LLGL2: variants seen among roughly 807,000 people sequenced by gnomAD.
The protein encoded by LLGL2 is LLGL scribble cell polarity complex component 2, also known as LLGL2, scribble cell polarity complex component.
Under a neutral mutation model 123.2 loss-of-function variants are expected in LLGL2, and 81 were observed. That is an observed-to-expected ratio of 0.66 (90% confidence interval 0.55 to 0.79). The LOEUF is 0.79. Ranked by LOEUF, LLGL2 falls within the 30% of genes least tolerant of loss-of-function variation. LLGL2 has a pLI of 0.00. For synonymous variants in LLGL2, 577 were observed against 594.1 expected (o/e 0.97, Z 0.42); for missense variants, 1,273 against 1,414.6 (o/e 0.90, Z 1.61).
At chr17:75,554,321 G>T (rs947030113) in intron 2 of LLGL2, among the ~76,000 whole-genome samples, 3 of 119,932 alleles carry the variant, frequency 2.5e-5, no homozygotes, top group Non-Finnish European at 5.2e-5. Flanking sequence ...AAAAAAAAAA[G>T]CCATTTTAGG....
chr17:75,572,871 C>T, intron 19 of LLGL2, 143 bp from the exon 20 acceptor site: 2 of 1,002,888 alleles, frequency 2.0e-6, no homozygotes, highest in Non-Finnish European at 2.9e-6. Flanking sequence ...TCGGCATCCT[C>T]CCAGGCCATG....
In LLGL2 at chr17:75,564,840, G is replaced by T; in HGVS notation, c.1036+333G>T. On this transcript the variant is annotated intron_variant, in intron 10 of 25. Transcript: ENST00000392550. The surrounding 1 kb of genome is among the most constrained non-coding windows in gnomAD (Gnocchi z 4.9). ...GATCATGCTACTGTACTCAGCCTGGGTGACATAGCCAGACTGTGTCTCAAA... is the reference window on the plus strand; with the variant it reads ...GATCATGCTACTGTACTCAGCCTGGTTGACATAGCCAGACTGTGTCTCAAA... 4.5e-6 allele frequency: 1 copy of T among 222,694 alleles called. No homozygotes were observed. Among genetic ancestry groups the T allele is most frequent in the Non-Finnish European group, 8.6e-6 (1 of 115,894 alleles). 13.8% of individuals were successfully genotyped at this position (222,694 alleles called of 1,614,324 possible).
intron 1 of LLGL2, among the ~76,000 whole-genome samples, chr17:75,541,128 C>T (rs1378773407): frequency 1.3e-5 from 2 of 152,214 alleles, no homozygotes; most frequent in Non-Finnish European, 2.9e-5. Context: ...CCCTGTCTTC[C>T]TCCTTCCTAC....
intron 1 of LLGL2, among the ~76,000 whole-genome samples, chr17:75,527,666 T>C (rs2053621322): frequency 6.6e-6 from 1 of 152,122 alleles, no homozygotes; most frequent in African/African-American, 2.4e-5. Context: ...GATCTCACCA[T>C]ATGTTGCCCA....
rs377098784 is a variant in LLGL2 at position 75,573,235 on chromosome 17, C to T, written c.2682C>T (p.Asp894=). The change falls in exon 20 of 26, where the codon GAC becomes GAT. Residue 894 remains aspartate (D), a synonymous_variant. Transcript: ENST00000392550. ...GCTACAGCTGCATCCGCCGGGAGGA[C>T]GTCAGTGGCATCGCCTCCTGCGTCT... ...QVRYSCIRRE[D]VSGIASCVFT... 21 of 1,609,614 alleles carry T rather than the reference C, an allele frequency of 1.3e-5. No homozygotes were observed. The highest frequency in any genetic ancestry group is 6.7e-5 in the East Asian group (3 of 44,746).
At chr17:75,526,080 T>C (rs999197468) in intron 1 of LLGL2, among the ~76,000 whole-genome samples, 1 of 152,116 alleles carries the variant, frequency 6.6e-6, no homozygotes, top group Non-Finnish European at 1.5e-5. Flanking sequence ...TGCACAATAA[T>C]GTTGGCTTAG....
chr17:75,566,806 T>C (rs1568065823), intron 10 of LLGL2, among the ~76,000 whole-genome samples: 1 of 152,168 alleles, frequency 6.6e-6, no homozygotes, highest in East Asian at 1.9e-4. Context: ...GGGGATCAAG[T>C]CTGAGGACTT....
chr17:75,574,417 G>A (rs1421695503), intron 23 of LLGL2, 36 bp from the exon 24 acceptor site: 10 of 1,547,526 alleles, frequency 6.5e-6, no homozygotes, highest in Middle Eastern at 2.3e-4. Flanking sequence ...CCGCCCCAAG[G>A]GCCTCAGTGG....
At chr17:75,545,443 C>G (rs1387652203) in intron 2 of LLGL2, among the ~76,000 whole-genome samples, 1 of 152,098 alleles carries the variant, frequency 6.6e-6, no homozygotes, top group Non-Finnish European at 1.5e-5. Context: ...AAATTTCAGG[C>G]CTTGGAAGTG....
Position 75,573,655 on chromosome 17 carries a change from C to T in LLGL2, c.2876+24C>T, listed in dbSNP as rs771275706. On this transcript the variant is annotated intron_variant, in intron 21 of 25. Coordinates refer to ENST00000392550, the MANE Select transcript of LLGL2 (RefSeq NM_001031803.2). ...AGGTGAGTGAAAGGGCCAGAGGCCT[C>T]TCCCGCCCCTCCCGCCCCTCCCTGC... 6 of 1,462,558 alleles carry T rather than the reference C, an allele frequency of 4.1e-6. No individual in the cohort carries two copies. The South Asian group carries it at 4.9e-5, about 12-fold the overall frequency. 90.6% of individuals were successfully genotyped at this position (1,462,558 alleles called of 1,614,324 possible).
intron 1 of LLGL2, among the ~76,000 whole-genome samples, chr17:75,526,505 G>T (rs1421852472): frequency 6.6e-6 from 1 of 152,194 alleles, no homozygotes; most frequent in Non-Finnish European, 1.5e-5. Flanking sequence ...GTCTTAGTTT[G>T]TTCCGGCTGG....
At chr17:75,574,181 C>T (rs754137470) in intron 22 of LLGL2, 32 bp from the exon 23 acceptor site, 170 of 1,509,682 alleles carry the variant, frequency 1.1e-4, no homozygotes, top group Non-Finnish European at 1.4e-4. Flanking sequence ...AGGGCCCAGG[C>T]GGGGCGCCCT....
chr17:75,547,385 T>C (rs1304145625), intron 2 of LLGL2, among the ~76,000 whole-genome samples: 4 of 152,248 alleles, frequency 2.6e-5, no homozygotes, highest in African/African-American at 9.6e-5. Context: ...ATGCGGGCTC[T>C]GATGCTTCCT....
intron 2 of LLGL2, among the ~76,000 whole-genome samples, chr17:75,548,545 A>G (rs886082984): frequency 2.6e-5 from 4 of 152,006 alleles, no homozygotes; most frequent in African/African-American, 4.8e-5. Flanking sequence ...CCTGCCTGCA[A>G]TGCCAGCAGT....
Position 75,574,659 on chromosome 17 carries a change from A to T in LLGL2, c.3046A>T (p.Asn1016Tyr). The change falls in exon 25 of 26, where the codon AAT becomes TAT. Residue 1016 changes from asparagine to tyrosine, a missense_variant. Coordinates refer to ENST00000392550, the MANE Select transcript of LLGL2 (RefSeq NM_001031803.2). ...AGCCGCCGTGGGGTGCAGCCTCAGCAATGGCGGAGGTGGGGGCTCTGGGCT... is the reference window on the plus strand; with the variant it reads ...AGCCGCCGTGGGGTGCAGCCTCAGCTATGGCGGAGGTGGGGGCTCTGGGCT... ...HRAAVGCSLS[N>Y]GGAE The T allele has an allele frequency of 6.2e-7, 1 of 1,611,694 alleles. No homozygotes were observed. Among genetic ancestry groups the T allele is most frequent in the East Asian group, 2.2e-5 (1 of 44,836 alleles).
chr17:75,572,400 A>G (rs543294412), intron 19 of LLGL2, among the ~76,000 whole-genome samples: 1 of 152,278 alleles, frequency 6.6e-6, no homozygotes, highest in African/African-American at 2.4e-5. Context: ...GCGGTGGCTC[A>G]TGCCTGTAAT....
At chr17:75,539,220 G>A (rs574504278) in intron 1 of LLGL2, among the ~76,000 whole-genome samples, 1 of 152,174 alleles carries the variant, frequency 6.6e-6, no homozygotes, top group Admixed American at 6.5e-5. Flanking sequence ...ACCATGCCCA[G>A]CTAATTTTGT....
At chr17:75,568,082 T>C (rs1196275221) in intron 10 of LLGL2, 2 of 1,113,686 alleles carry the variant, frequency 1.8e-6, no homozygotes, top group Non-Finnish European at 2.2e-6. Context: ...ACTGGTGTGC[T>C]GAAGACCACG....
chr17:75,558,010 G>C lies in LLGL2; in HGVS notation c.174-145G>C. 1 of 802,806 alleles carries C rather than the reference G, an allele frequency of 1.2e-6. No individual in the cohort carries two copies. The highest frequency in any genetic ancestry group is 1.3e-5 in the South Asian group (1 of 74,496). The allele number at this position is 802,806 out of a possible 1,614,324, so 49.7% of individuals were successfully genotyped here. A position where few individuals can be genotyped will look rare whatever the true frequency, so the allele number is the denominator to read the frequency against. ...CTGCTGTGTCTCCTCCCCACCCTAG[G>C]CTCCATGCATGGGTCCTGCTGCCTC... On this transcript the variant is annotated intron_variant, in intron 3 of 25. Coordinates refer to ENST00000392550, the MANE Select transcript of LLGL2 (RefSeq NM_001031803.2). This position sits in a 1 kb window ranked among gnomAD's most constrained non-coding sequence, Gnocchi z 4.0.
Sources: gnomAD v4.1 joint callset for allele counts (sites outside exome capture counted in the v4.1 genomes callset) on GRCh38, gnomAD v4.1.1 for gene constraint, Gnocchi (gnomAD v3.1) non-coding constraint, MANE v1.5 for transcripts, NCBI Gene and HGNC (gene_info 2026-07-23, HGNC 2026-07-21) for gene names.